The following VCL variants were observed in gnomAD, a reference collection of about 807,000 sequenced individuals.
VCL encodes the protein vinculin.
A neutral mutation model predicts 125.7 loss-of-function variants in VCL; 47 were observed. The observed-to-expected ratio is 0.37, with a 90% confidence interval of 0.30 to 0.48. VCL has a LOEUF of 0.48. Ranked by LOEUF, VCL falls within the 20% of genes least tolerant of loss-of-function variation. The probability of loss-of-function intolerance (pLI) is 0.99; values close to 1 mark genes in which losing one functional copy is unlikely to be tolerated. For synonymous variants in VCL, 458 were observed against 514.6 expected (o/e 0.89, Z 1.49); for missense variants, 1,069 against 1,455.5 (o/e 0.73, Z 4.32).
chr10:74,052,502 A>T (rs1319305544), intron 2 of VCL, among the ~76,000 whole-genome samples: 1 of 150,442 alleles, frequency 6.6e-6, no homozygotes, highest in Admixed American at 6.7e-5. Context: ...TCAGCCCCGC[A>T]AGTAGCTGGG....
At chr10:74,061,137 C>T (rs11000866) in intron 2 of VCL, among the ~76,000 whole-genome samples, 4,912 of 152,136 alleles carry the variant, frequency 0.032, 271 homozygotes, top group African/African-American at 0.11. Context: ...TTTAAAAATT[C>T]AGATTTCTAT....
chr10:74,024,423 C>T (rs1222736853), intron 1 of VCL, among the ~76,000 whole-genome samples: 1 of 151,998 alleles, frequency 6.6e-6, no homozygotes, highest in Admixed American at 6.6e-5. Flanking sequence ...CCAGCCTGGC[C>T]AACGTGGTGA....
chr10:74,001,087 C>T (rs1411775714), intron 1 of VCL, among the ~76,000 whole-genome samples: 1 of 152,130 alleles, frequency 6.6e-6, no homozygotes, highest in Non-Finnish European at 1.5e-5. Context: ...TAACATAGGC[C>T]TTATCCAAAA....
chr10:74,066,062 T>TATATATATATATATATA (rs1491467672), intron 2 of VCL, among the ~76,000 whole-genome samples: 4 of 124,648 alleles, frequency 3.2e-5, no homozygotes, highest in African/African-American at 1.2e-4. Context: ...TATATATATA[T>TATATATATATATATATA]TTTTTTTTTT....
chr10:74,079,215 A>C (rs1839640287), intron 6 of VCL, among the ~76,000 whole-genome samples: 1 of 152,184 alleles, frequency 6.6e-6, no homozygotes. Context: ...ATTTTATGTT[A>C]AGAAGGAGCA....
At position 74,096,440 on chromosome 10, in the gene VCL, C is replaced by A. The variant is rs186082502; in HGVS notation, c.1743+585C>A. ...AAGCTAGTTGTATTTTTTCTATTATCCTTTAAAAGAAACACATAATTATTA... is the reference window on the plus strand; with the variant it reads ...AAGCTAGTTGTATTTTTTCTATTATACTTTAAAAGAAACACATAATTATTA... On this transcript the variant is annotated intron_variant, in intron 12 of 21. Transcript: ENST00000211998. 7.0e-4 allele frequency among the ~76,000 whole-genome samples: 107 copies of A among 152,148 alleles called. No individual in the cohort carries two copies. In the South Asian group the frequency reaches 0.01, roughly 14 times the overall value.
chr10:74,082,141 A>C (rs1014997432), intron 6 of VCL, among the ~76,000 whole-genome samples: 5 of 152,214 alleles, frequency 3.3e-5, no homozygotes, highest in African/African-American at 4.8e-5. Flanking sequence ...ATGTGACAAC[A>C]GGGCTTTTTC....
intron 9 of VCL, 44 bp from the exon 10 acceptor site, chr10:74,089,979 T>C: frequency 6.2e-7 from 1 of 1,612,620 alleles, no homozygotes. Context: ...GAAAGGAGTG[T>C]GTGAGTAGAT....
chr10:74,086,055 C>T (rs186103216), intron 8 of VCL, among the ~76,000 whole-genome samples: 7 of 152,066 alleles, frequency 4.6e-5, no homozygotes, highest in East Asian at 3.9e-4. Flanking sequence ...TTAATAGAGA[C>T]GGGGTTTCAC....
intron 1 of VCL, among the ~76,000 whole-genome samples, chr10:74,041,145 A>C (rs1215035709): frequency 6.6e-6 from 1 of 150,924 alleles, no homozygotes; most frequent in Non-Finnish European, 1.5e-5. Context: ...CCACTGTGCC[A>C]GCCAGGATTT....
chr10:74,100,904 A>G (rs1388714241), intron 13 of VCL, 44 bp from the exon 14 acceptor site: 1 of 1,612,166 alleles, frequency 6.2e-7, no homozygotes. Flanking sequence ...TGCCTGACCC[A>G]TTTTATTGAA....
At chr10:74,095,593 A>G in intron 11 of VCL, 63 bp from the exon 12 acceptor site, 1 of 1,606,140 alleles carries the variant, frequency 6.2e-7, no homozygotes. Flanking sequence ...ATCGCACCAC[A>G]GAATGGCATT....
At chr10:74,117,572 G>T (rs1840330402) in intron 21 of VCL, among the ~76,000 whole-genome samples, 2 of 152,158 alleles carry the variant, frequency 1.3e-5, no homozygotes, top group African/African-American at 4.8e-5. Flanking sequence ...GAGGATCCTT[G>T]AGCCCAGGGG....
Position 74,095,911 on chromosome 10 carries a change from C to T in VCL, c.1743+56C>T, listed in dbSNP as rs181407474. On this transcript the variant is annotated intron_variant, in intron 12 of 21. Transcript: ENST00000211998. ...TTTTATGCTTCCTATTATTGAAAGA[C>T]GAGGGAAGGAAGAGAGAGTTTTGAA... The T allele has an allele frequency of 2.9e-4, 454 of 1,585,268 alleles. 1 individual carries two copies. Among genetic ancestry groups the T allele is most frequent in the South Asian group, 2.8e-3 (254 of 90,230 alleles).
intron 11 of VCL, among the ~76,000 whole-genome samples, chr10:74,094,920 A>G (rs1839941921): frequency 6.6e-6 from 1 of 152,156 alleles, no homozygotes; most frequent in African/African-American, 2.4e-5. Context: ...AGTGACAGAG[A>G]GAGACCATGT....
At chr10:74,033,967 G>C (rs1840929290) in intron 1 of VCL, among the ~76,000 whole-genome samples, 1 of 152,152 alleles carries the variant, frequency 6.6e-6, no homozygotes, top group South Asian at 2.1e-4. Flanking sequence ...TTCTGCTACA[G>C]TTAATCTGTA....
At chr10:74,090,605 G>A (rs1410246212) in intron 10 of VCL, among the ~76,000 whole-genome samples, 2 of 152,090 alleles carry the variant, frequency 1.3e-5, no homozygotes, top group Non-Finnish European at 2.9e-5. Context: ...TGGAGGGGAA[G>A]AAGCGTAAGA....
At chr10:74,116,791 A>C (rs894653485) in intron 21 of VCL, among the ~76,000 whole-genome samples, 2 of 152,304 alleles carry the variant, frequency 1.3e-5, no homozygotes, top group Non-Finnish European at 2.9e-5. Context: ...TCACTCTATG[A>C]ATGTCTCTGG....
chr10:74,083,342 T>A lies in VCL; in HGVS notation c.875-24T>A, dbSNP rs1908339. 0.59 allele frequency: 944,600 copies of A among 1,611,454 alleles called. 287,558 individuals are homozygous for A. Among genetic ancestry groups the A allele is most frequent in the East Asian group, 0.99 (44,334 of 44,850 alleles). ...AATAATGAATGTGTCAACAATGTAG[T>A]TATTGAATATCTCTTTATTTTAGGG... On this transcript the variant is annotated intron_variant, in intron 7 of 21. Coordinates refer to ENST00000211998, the MANE Select transcript of VCL (RefSeq NM_014000.3).
Sources: allele counts gnomAD v4.1 joint callset (sites outside exome capture counted in the v4.1 genomes callset), GRCh38; gene constraint gnomAD v4.1.1; transcripts MANE v1.5; gene names NCBI Gene and HGNC (gene_info 2026-07-23, HGNC 2026-07-21).